Variants in IFI27L1 observed in about 807,000 individuals in gnomAD.
The protein encoded by IFI27L1 is interferon alpha-inducible protein 27-like protein 1.
In IFI27L1, 3 loss-of-function variants were observed where a neutral mutation model predicts 9.2. The observed-to-expected ratio is 0.32, with a 90% CI of 0.15 to 0.84. The LOEUF is 0.84. IFI27L1 is among the 40% of genes least tolerant of loss of function. The pLI is 0.56. For synonymous variants in IFI27L1, 53 were observed against 50.0 expected, an observed-to-expected ratio of 1.06 and a Z score of -0.26; for missense variants, 133 against 134.2, an observed-to-expected ratio of 0.99 and a Z score of 0.05.
intron 4 of IFI27L1, 74 bp from the exon 5 acceptor site, chr14:94,102,403 C>G: frequency 1.1e-6 from 1 of 894,254 alleles, no homozygotes; most frequent in Non-Finnish European, 1.7e-6. Flanking sequence ...GGACCAGGGT[C>G]TCTGGCCTTC....
chr14:94,089,332 G>A (rs763856563), intron 1 of IFI27L1: 1 of 152,198 alleles, frequency 6.6e-6, no homozygotes, highest in Non-Finnish European at 1.5e-5. Flanking sequence ...TTATTAATGA[G>A]TTTTTGAGGT....
intron 1 of IFI27L1, 74 bp from the exon 2 acceptor site, chr14:94,096,813 A>AG: frequency 1.3e-6 from 1 of 761,610 alleles, no homozygotes; most frequent in South Asian, 1.6e-5. Flanking sequence ...TAGTCCCAGG[A>AG]GGGATGCAGA....
At chr14:94,084,733 GTATC>G (rs1354034960) in intron 1 of IFI27L1, among the ~76,000 whole-genome samples, 5 of 152,182 alleles carry the variant, frequency 3.3e-5, no homozygotes, top group African/African-American at 9.7e-5. Flanking sequence ...CGACTTGAGA[GTATC>G]TGTCTAGTGA....
At chr14:94,088,358 G>A (rs1424008723) in intron 1 of IFI27L1, 12 of 702,024 alleles carry the variant, frequency 1.7e-5, no homozygotes, top group Non-Finnish European at 3.1e-5. Flanking sequence ...TGTGGCAGTG[G>A]CTTCCCGATA....
Position 94,102,633 on chromosome 14 carries a change from C to T in IFI27L1, c.*65C>T. 1 of 900,822 alleles carries T rather than the reference C, an allele frequency of 1.1e-6. No homozygotes were observed. The highest frequency in any genetic ancestry group is 1.7e-6 in the Non-Finnish European group (1 of 603,632). 55.8% of individuals were successfully genotyped at this position (900,822 alleles called of 1,614,324 possible). Reference sequence around the variant, plus strand: ...ATGACTTTCCTGGGCCTCTGGATGACAATCTTCCAAAGGACAAGTCTCCTA... The same window carrying T: ...ATGACTTTCCTGGGCCTCTGGATGATAATCTTCCAAAGGACAAGTCTCCTA... On this transcript the variant is annotated 3_prime_UTR_variant, in exon 5 of 5. Coordinates refer to ENST00000555523, the MANE Select transcript of IFI27L1 (RefSeq NM_206949.3).
intron 1 of IFI27L1, chr14:94,089,041 TAGAG>T (rs1312653091): frequency 1.3e-5 from 2 of 152,186 alleles, no homozygotes; most frequent in Non-Finnish European, 2.9e-5. Flanking sequence ...TTTTTATTTT[TAGAG>T]AGAGTGTTTT....
chr14:94,101,249 C>T (rs1886884596), intron 3 of IFI27L1: 1 of 244,824 alleles, frequency 4.1e-6, no homozygotes, highest in African/African-American at 2.2e-5. Context: ...CATAATGTTT[C>T]TCTGTCACCT....
chr14:94,098,203 G>A (rs1005643481), intron 2 of IFI27L1, among the ~76,000 whole-genome samples: 10 of 152,206 alleles, frequency 6.6e-5, no homozygotes, highest in Non-Finnish European at 7.3e-5. Context: ...CACCGTTCTG[G>A]AGGCTAGAAG....
intron 1 of IFI27L1, among the ~76,000 whole-genome samples, chr14:94,088,689 A>G (rs892464880): frequency 6.6e-6 from 1 of 152,146 alleles, no homozygotes; most frequent in Non-Finnish European, 1.5e-5. Context: ...ACTCTGACTA[A>G]TAGATGCATG....
chr14:94,102,478 G>T lies in IFI27L1; in HGVS notation c.225G>T (p.Gly75=). The T allele has an allele frequency of 6.3e-7, 1 of 1,576,302 alleles. No homozygotes were observed. Among genetic ancestry groups the T allele is most frequent in the South Asian group, 1.2e-5 (1 of 84,782 alleles). Residue 75 remains glycine (G), a splice_region_variant and synonymous_variant, in exon 5 of 5, where the codon GGG becomes GGT. Transcript: ENST00000555523. The part of the protein sequence containing the change: ...GSLVAILQSV[G]AAGLSVTSKV... Reference sequence around the variant, plus strand: ...TGCTCACCCTCTCTTCTCCCCCAGGGGCAGCTGGACTCTCTGTGACATCTA... The same window carrying T: ...TGCTCACCCTCTCTTCTCCCCCAGGTGCAGCTGGACTCTCTGTGACATCTA...
intron 2 of IFI27L1, among the ~76,000 whole-genome samples, chr14:94,098,695 G>T (rs759434709): frequency 7.2e-5 from 11 of 152,160 alleles, no homozygotes; most frequent in African/African-American, 2.7e-4. Flanking sequence ...CAGTGGGGAC[G>T]TTGTAAGTCC....
At chr14:94,081,623 G>A (rs1318066456) in intron 1 of IFI27L1, among the ~76,000 whole-genome samples, 174 bp downstream of exon 1, 1 of 152,188 alleles carries the variant, frequency 6.6e-6, no homozygotes, top group Non-Finnish European at 1.5e-5. Context: ...GGGCGTTCCC[G>A]AAGGTAAGAG....
chr14:94,091,771 C>T (rs1272029982), intron 1 of IFI27L1, among the ~76,000 whole-genome samples: 1 of 152,142 alleles, frequency 6.6e-6, no homozygotes, highest in Non-Finnish European at 1.5e-5. Context: ...TCTTTCCTTT[C>T]CCTTCTTTTG....
chr14:94,084,862 C>T (rs770863053), intron 1 of IFI27L1, among the ~76,000 whole-genome samples: 1 of 152,178 alleles, frequency 6.6e-6, no homozygotes, highest in East Asian at 1.9e-4. Context: ...GGACTCCAGC[C>T]CTTTCTCTTC....
intron 1 of IFI27L1, among the ~76,000 whole-genome samples, chr14:94,082,419 G>C (rs907986825): frequency 1.3e-5 from 2 of 152,244 alleles, no homozygotes; most frequent in South Asian, 2.1e-4. Flanking sequence ...ATCTAGGTAA[G>C]ATCGTTGATG....
chr14:94,101,700 C>G, intron 3 of IFI27L1, 114 bp from the exon 4 acceptor site: 1 of 1,065,732 alleles, frequency 9.4e-7, no homozygotes, highest in East Asian at 2.5e-5. Context: ...CATCCCTGCT[C>G]AGTCTTTCCT....
chr14:94,082,712 C>T (rs1398266573), intron 1 of IFI27L1, among the ~76,000 whole-genome samples: 1 of 152,222 alleles, frequency 6.6e-6, no homozygotes, highest in Non-Finnish European at 1.5e-5. Flanking sequence ...CACAACTGTT[C>T]ATAGCATGGT....
intron 2 of IFI27L1, among the ~76,000 whole-genome samples, chr14:94,098,610 C>T (rs532607395): frequency 4.5e-5 from 5 of 110,180 alleles, no homozygotes; most frequent in African/African-American, 2.5e-4. Context: ...GAGTAATCAC[C>T]CCTGTCAAGA....
chr14:94,089,152 T>C (rs1357485204), intron 1 of IFI27L1: 2 of 152,172 alleles, frequency 1.3e-5, no homozygotes, highest in Non-Finnish European at 2.9e-5. Flanking sequence ...AGAAGGTTCT[T>C]GGATATCATG....
Sources: gnomAD v4.1 joint callset for allele counts (sites outside exome capture counted in the v4.1 genomes callset) on GRCh38, gnomAD v4.1.1 for gene constraint, MANE v1.5 for transcripts, NCBI Gene and HGNC (gene_info 2026-07-23, HGNC 2026-07-21) for gene names.